Variants in ANKRD30A observed in about 807,000 individuals in gnomAD.
ANKRD30A encodes the protein ankyrin repeat domain-containing protein 30A.
A neutral mutation model predicts 166.3 loss-of-function variants in ANKRD30A; 170 were observed. The ratio of observed to expected loss-of-function variants is 1.02; its 90% CI spans 0.90 to 1.16. The LOEUF is 1.16. Among genes scored for constraint, ANKRD30A ranks in the 50% most tolerant of loss-of-function variants. The pLI, the probability that ANKRD30A is intolerant of heterozygous loss-of-function variation, is 0.00. For missense variants in ANKRD30A, 1,630 were observed against 1,518.0 expected (o/e 1.07, Z -1.23); for synonymous variants, 564 against 508.9 (o/e 1.11, Z -1.46).
At chr10:37,254,068 G>C in the ANKRD30A span, among the ~76,000 whole-genome samples, 1 of 152,134 alleles carries the variant, frequency 6.6e-6, no homozygotes, top group African/African-American at 2.4e-5. Context: ...CCAATTCACT[G>C]TTGGGTTATC....
At position 37,162,683 on chromosome 10, in the gene ANKRD30A, T is replaced by C; in HGVS notation, c.1929+6T>C. 1 of 1,612,756 alleles carries C rather than the reference T, an allele frequency of 6.2e-7. No individual in the cohort carries two copies. The highest frequency in any genetic ancestry group is 1.3e-5 in the African/African-American group (1 of 74,978). ...GGAAGCCATCTGCCTTCGAGGTATT[T>C]AGTTTTATGATTTCATTTTGAATGA... On this transcript the variant is annotated splice_donor_region_variant and intron_variant, in intron 16 of 35. Coordinates refer to ENST00000361713, the MANE Select transcript of ANKRD30A (RefSeq NM_052997.3).
At chr10:37,232,907 A>AC (rs71007626), downstream of ANKRD30A, among the ~76,000 whole-genome samples, 2 of 140,968 alleles carry the variant, frequency 1.4e-5, no homozygotes, top group Non-Finnish European at 3.1e-5. Flanking sequence ...AAAAAAAAAA[A>AC]CAAAATAAAT....
the ANKRD30A span, among the ~76,000 whole-genome samples, chr10:37,264,914 A>G: frequency 6.6e-6 from 1 of 152,238 alleles, no homozygotes; most frequent in Non-Finnish European, 1.5e-5. Flanking sequence ...TTCATAATAA[A>G]TTATGTGTTA....
At chr10:37,237,250 G>A (rs1843705627), downstream of ANKRD30A, among the ~76,000 whole-genome samples, 1 of 152,200 alleles carries the variant, frequency 6.6e-6, no homozygotes, top group Non-Finnish European at 1.5e-5. Flanking sequence ...CCTATGGTGA[G>A]GCATAAGTGC....
At chr10:37,262,044 G>T in the ANKRD30A span, 2 of 152,382 alleles carry the variant, frequency 1.3e-5, no homozygotes, top group Non-Finnish European at 2.9e-5. Flanking sequence ...TCTTCAAAAT[G>T]TATTTGATAG....
intron 13 of ANKRD30A, among the ~76,000 whole-genome samples, chr10:37,155,240 A>C (rs2132571149): frequency 6.6e-6 from 1 of 152,340 alleles, no homozygotes; most frequent in South Asian, 2.1e-4. Context: ...AAGCTTATTA[A>C]ATTTGCTATT....
intron 31 of ANKRD30A, among the ~76,000 whole-genome samples, chr10:37,207,796 T>C (rs1278179653): frequency 6.6e-6 from 1 of 151,970 alleles, no homozygotes; most frequent in Non-Finnish European, 1.5e-5. Context: ...CAGAATAGTC[T>C]CATACCTCTT....
At chr10:37,134,828 G>T (rs1836582465) in intron 5 of ANKRD30A, among the ~76,000 whole-genome samples, 1 of 152,150 alleles carries the variant, frequency 6.6e-6, no homozygotes, top group South Asian at 2.1e-4. Flanking sequence ...AATATTAATT[G>T]TGATAGTTTA....
chr10:37,172,172 T>C (rs1378703064), intron 21 of ANKRD30A, among the ~76,000 whole-genome samples: 1 of 99,780 alleles, frequency 1.0e-5, no homozygotes, highest in Non-Finnish European at 2.2e-5. Context: ...GGTGAAACCC[T>C]GTCTCTACTA....
At chr10:37,148,702 G>T (rs1837688729) in intron 9 of ANKRD30A, among the ~76,000 whole-genome samples, 1 of 152,030 alleles carries the variant, frequency 6.6e-6, no homozygotes, top group South Asian at 2.1e-4. Flanking sequence ...AGGTTTCTAT[G>T]TTACAATCAG....
In ANKRD30A at chr10:37,166,659, C is replaced by T; in HGVS notation, c.2119C>T (p.Gln707Ter). 1.9e-6 allele frequency: 3 copies of T among 1,596,382 alleles called. No homozygotes were observed. Among genetic ancestry groups the T allele is most frequent in the Non-Finnish European group, 2.6e-6 (3 of 1,172,994 alleles). The change falls in exon 19 of 36, where the codon CAA becomes TAA. Residue 707 changes from glutamine to a stop codon, truncating the protein, a stop_gained. Coordinates refer to ENST00000361713, the MANE Select transcript of ANKRD30A (RefSeq NM_052997.3). LOFTEE classifies it high-confidence loss of function. ...KDVCLPKAAH[Q>*]KEIDKINGKL... ...TGTGTGTTTACCCAAGGCTGCGCAT[C>T]AAAAAGAAATAGATAAAATAAATGG...
rs1160176372 is a variant in ANKRD30A at position 37,166,623 on chromosome 10, T to A, written c.2083T>A (p.Ser695Thr). 6.3e-7 allele frequency: 1 copy of A among 1,597,366 alleles called. No individual in the cohort carries two copies. The highest frequency in any genetic ancestry group is 2.2e-5 in the East Asian group (1 of 44,784). ...TTAACAGAGTCTCTGTGAGACTGTT[T>A]CACAGAAGGATGTGTGTTTACCCAA... ...WDTESLCETVSQKDVCLPKAA... is the reference protein window; with the variant it reads ...WDTESLCETVTQKDVCLPKAA... Residue 695 changes from serine to threonine, a missense_variant, in exon 19 of 36, where the codon TCA (serine) becomes ACA (threonine). Ser to Thr is a moderately conservative substitution (Grantham distance 58). Transcript: ENST00000361713.
At chr10:37,151,779 G>C (rs1337069922) in intron 11 of ANKRD30A, among the ~76,000 whole-genome samples, 1 of 152,048 alleles carries the variant, frequency 6.6e-6, no homozygotes. Flanking sequence ...CTGTGTTTCA[G>C]AGGAGAAGAG....
intron 1 of ANKRD30A, 112 bp downstream of exon 1, chr10:37,126,120 A>T: frequency 8.6e-7 from 1 of 1,156,290 alleles, no homozygotes; most frequent in South Asian, 1.3e-5. Context: ...CAGGTGGAGG[A>T]GTAACGGGCA....
chr10:37,229,823 T>G (rs908621693), intron 34 of ANKRD30A, among the ~76,000 whole-genome samples: 1 of 151,948 alleles, frequency 6.6e-6, no homozygotes, highest in African/African-American at 2.4e-5. Context: ...TGTGTATATA[T>G]ATATCCATAT....
chr10:37,137,746 C>A (rs1372637653), intron 6 of ANKRD30A, among the ~76,000 whole-genome samples: 1 of 152,110 alleles, frequency 6.6e-6, no homozygotes, highest in Non-Finnish European at 1.5e-5. Flanking sequence ...CTGGGTGGAG[C>A]CCACCGCAGC....
chr10:37,141,572 CAAAAA>C (rs909714989), intron 6 of ANKRD30A, 141 bp from the exon 7 acceptor site: 435 of 761,552 alleles, frequency 5.7e-4, no homozygotes, highest in Non-Finnish European at 6.3e-4. Context: ...GACTCTGTCT[CAAAAA>C]AAAAAAAAAA....
chr10:37,127,046 C>CAAAAAAAAAAAAAAAAAAAAAA (rs71007622), intron 1 of ANKRD30A, among the ~76,000 whole-genome samples: 9 of 16,504 alleles, frequency 5.5e-4, no homozygotes, highest in African/African-American at 6.8e-4. Context: ...AACTCTGTCT[C>CAAAAAAAAAAAAAAAAAAAAAA]AAAAAAAAAA....
At chr10:37,243,636 G>A in the ANKRD30A span, among the ~76,000 whole-genome samples, 1 of 151,936 alleles carries the variant, frequency 6.6e-6, no homozygotes, top group African/African-American at 2.4e-5. Context: ...TTAAGTGAAA[G>A]ACGTATAATA....
Sources: allele counts gnomAD v4.1 joint callset (sites outside exome capture counted in the v4.1 genomes callset), GRCh38; gene constraint gnomAD v4.1.1; transcripts MANE v1.5; gene names NCBI Gene and HGNC (gene_info 2026-07-23, HGNC 2026-07-21).